RREB1: variants seen among roughly 807,000 people sequenced by gnomAD.
RREB1 encodes the protein ras-responsive element-binding protein 1.
Under a neutral mutation model 117.8 loss-of-function variants are expected in RREB1, and 27 were observed. The ratio of observed to expected loss-of-function variants is 0.23; its 90% CI spans 0.17 to 0.32. RREB1 has a LOEUF of 0.32. RREB1 is among the 10% of genes least tolerant of loss of function. The probability of loss-of-function intolerance (pLI) is 1.00; values close to 1 mark genes in which losing one functional copy is unlikely to be tolerated. For missense variants in RREB1, 2,577 were observed against 2,378.2 expected (o/e 1.08, Z -1.74); for synonymous variants, 1,298 against 1,026.7 (o/e 1.26, Z -5.05).
intron 5 of RREB1, 53 bp from the exon 6 acceptor site, chr6:7,189,106 T>G: frequency 2.6e-6 from 4 of 1,535,982 alleles, no homozygotes; most frequent in South Asian, 1.2e-5. Flanking sequence ...TCCTAAGAGC[T>G]GAGCTTCTGA....
At chr6:7,137,271 C>T (rs1364895549) in intron 1 of RREB1, among the ~76,000 whole-genome samples, 1 of 152,156 alleles carries the variant, frequency 6.6e-6, no homozygotes, top group East Asian at 1.9e-4. Flanking sequence ...CCCCCCTGAG[C>T]CCCCAGGGAA....
At chr6:7,222,726 C>T (rs1213696020) in intron 8 of RREB1, among the ~76,000 whole-genome samples, 3 of 151,976 alleles carry the variant, frequency 2.0e-5, no homozygotes, top group African/African-American at 7.3e-5. Flanking sequence ...ACTAGGGAGG[C>T]TGAGACGGGA....
intron 1 of RREB1, among the ~76,000 whole-genome samples, chr6:7,150,815 T>A (rs1235163797): frequency 6.6e-6 from 1 of 152,232 alleles, no homozygotes; most frequent in Non-Finnish European, 1.5e-5. Flanking sequence ...ATAAGCGACC[T>A]GCAGCCTGTT....
chr6:7,147,212 G>A (rs1036256420), intron 1 of RREB1, among the ~76,000 whole-genome samples: 10 of 152,178 alleles, frequency 6.6e-5, no homozygotes, highest in African/African-American at 2.4e-4. Context: ...ACTCATGGCA[G>A]CCGTTTTCCA....
At position 7,246,580 on chromosome 6, in the gene RREB1, T is replaced by C. The variant is rs773358107; in HGVS notation, c.4130T>C (p.Val1377Ala). The change falls in exon 12 of 13, where the codon GTG becomes GCG. Residue 1377 changes from valine to alanine, a missense_variant. By Grantham distance (64) the Val-to-Ala change is moderately conservative (BLOSUM62 0). Coordinates refer to ENST00000379938, the MANE Select transcript of RREB1 (RefSeq NM_001003699.4). The part of the protein sequence containing the change: ...EQATAETASP[V>A]HREEHGRGES... The stretch of plus-strand genomic sequence containing the variant: ...GCCACGGCGGAAACGGCCTCGCCGG[T>C]GCACCGGGAAGAGCACGGGCGTGGG... 3 of 1,551,822 alleles carry C rather than the reference T, an allele frequency of 1.9e-6. No individual in the cohort carries two copies. The Admixed American group carries it at 5.8e-5, about 30-fold the overall frequency.
At chr6:7,115,204 G>T (rs973768899) in intron 1 of RREB1, among the ~76,000 whole-genome samples, 1 of 152,070 alleles carries the variant, frequency 6.6e-6, no homozygotes, top group African/African-American at 2.4e-5. Context: ...TGGTTGGGAG[G>T]GATAGGGAGG....
intron 6 of RREB1, among the ~76,000 whole-genome samples, chr6:7,205,716 G>T (rs1766234087): frequency 6.6e-6 from 1 of 152,188 alleles, no homozygotes; most frequent in Non-Finnish European, 1.5e-5. Flanking sequence ...TCTCCCTGGA[G>T]TTATTGACCA....
intron 11 of RREB1, among the ~76,000 whole-genome samples, chr6:7,242,701 G>A (rs866681087): frequency 1.5e-3 from 31 of 20,486 alleles, no homozygotes; most frequent in African/African-American, 0.015. Flanking sequence ...TTAAAAAAAA[G>A]GGGGGGGGGG....
intron 1 of RREB1, among the ~76,000 whole-genome samples, chr6:7,117,485 A>G (rs1385516775): frequency 1.5e-5 from 2 of 132,870 alleles, no homozygotes; most frequent in African/African-American, 2.9e-5. Context: ...GTCTTGGCTC[A>G]CTGCAACCTC....
At chr6:7,144,796 C>G (rs941425364) in intron 1 of RREB1, among the ~76,000 whole-genome samples, 2 of 152,204 alleles carry the variant, frequency 1.3e-5, no homozygotes, top group Admixed American at 1.3e-4. Context: ...AAACATCTTA[C>G]AGCAACCAAC....
At chr6:7,211,038 G>A in intron 7 of RREB1, 90 bp downstream of exon 7, 1 of 1,295,062 alleles carries the variant, frequency 7.7e-7, no homozygotes, top group Non-Finnish European at 1.1e-6. Flanking sequence ...TGGAGACTTG[G>A]CAGACATACA....
chr6:7,242,144 G>A (rs1330414373), intron 11 of RREB1, among the ~76,000 whole-genome samples: 2 of 152,214 alleles, frequency 1.3e-5, no homozygotes, highest in African/African-American at 2.4e-5. Context: ...AGCTGAGGGG[G>A]AGCCCTTGGG....
intron 1 of RREB1, among the ~76,000 whole-genome samples, chr6:7,149,360 C>T (rs1304333257): frequency 1.3e-5 from 2 of 152,176 alleles, no homozygotes; most frequent in Non-Finnish European, 2.9e-5. Context: ...AAAACATAGT[C>T]TCTGTAGAAA....
intron 1 of RREB1, among the ~76,000 whole-genome samples, chr6:7,117,855 G>A (rs1453136694): frequency 6.6e-6 from 1 of 152,074 alleles, no homozygotes; most frequent in Admixed American, 6.5e-5. Context: ...GAGATTACAG[G>A]TATGAGGTAT....
Position 7,210,837 on chromosome 6 carries a change from TGCCACA to T in RREB1, c.469_474del (p.Thr157_Ala158del). 3 of 1,614,094 alleles carry T rather than the reference TGCCACA, an allele frequency of 1.9e-6. No individual in the cohort carries two copies. The highest frequency in any genetic ancestry group is 2.5e-6 in the Non-Finnish European group (3 of 1,179,938). ...AGATCCATGAGAAGGACCCTAACAG[TGCCACA>T]GCCACAGCCCCTCCATCTCCTCTGA... On this transcript the variant is annotated inframe_deletion, in exon 7 of 13. Coordinates refer to ENST00000379938, the MANE Select transcript of RREB1 (RefSeq NM_001003699.4).
intron 8 of RREB1, chr6:7,216,196 A>T (rs1322915911): frequency 6.6e-6 from 1 of 152,324 alleles, no homozygotes; most frequent in Admixed American, 6.5e-5. Flanking sequence ...GGCTAGGCAC[A>T]AAACAAGCTG....
At chr6:7,181,563 C>T in intron 3 of RREB1, 1 of 536,826 alleles carries the variant, frequency 1.9e-6, no homozygotes, top group Non-Finnish European at 3.2e-6. Context: ...TCATTGTTGG[C>T]TTGGCCTTTC....
intron 1 of RREB1, among the ~76,000 whole-genome samples, chr6:7,172,344 GC>G (rs1764253812): frequency 6.6e-6 from 1 of 151,942 alleles, no homozygotes; most frequent in Non-Finnish European, 1.5e-5. Flanking sequence ...CAAGTTTGCT[GC>G]CCCCCTTCAC....
intron 1 of RREB1, among the ~76,000 whole-genome samples, chr6:7,118,057 A>G (rs1761492569): frequency 6.6e-6 from 1 of 152,228 alleles, no homozygotes; most frequent in Non-Finnish European, 1.5e-5. Context: ...ATTCAGATAT[A>G]ATATTCTAAC....
Sources: allele counts gnomAD v4.1 joint callset (sites outside exome capture counted in the v4.1 genomes callset), GRCh38; gene constraint gnomAD v4.1.1; transcripts MANE v1.5; gene names NCBI Gene and HGNC (gene_info 2026-07-23, HGNC 2026-07-21).